Variants in GINM1 observed in about 807,000 individuals in gnomAD.
GINM1 encodes the protein glycoprotein integral membrane protein 1.
GINM1 carries 29 observed loss-of-function variants against 37.8 expected under a neutral mutation model. That is an observed-to-expected ratio of 0.77 (90% confidence interval 0.57 to 1.05). The LOEUF (loss-of-function observed/expected upper bound fraction) is 1.05. Among genes scored for constraint, GINM1 ranks in the 50% least tolerant of loss-of-function variants. The pLI, the probability that GINM1 is intolerant of heterozygous loss-of-function variation, is 0.00. For missense variants in GINM1, 377 were observed against 397.9 expected (o/e 0.95, Z 0.45); for synonymous variants, 143 against 146.2 (o/e 0.98, Z 0.16).
At chr6:149,574,742 C>T (rs377558689) in intron 3 of GINM1, among the ~76,000 whole-genome samples, 1 of 152,100 alleles carries the variant, frequency 6.6e-6, no homozygotes, top group Non-Finnish European at 1.5e-5. Flanking sequence ...GTGGTGCAGG[C>T]TTGTTTTCCC....
At position 149,571,238 on chromosome 6, in the gene GINM1, C is replaced by T. The variant is rs146211959; in HGVS notation, c.121-1047C>T. ...GCTGAGGCAGGAGAATCACTTGAAC[C>T]CGGGAGGCGGAGATTGCAGTGAGCC... On this transcript the variant is annotated intron_variant, in intron 1 of 7. Transcript: ENST00000367419. Among the ~76,000 whole-genome samples the T allele has an allele frequency of 2.1e-3, 314 of 151,690 alleles. 3 individuals carry two copies. In the East Asian group the frequency reaches 0.025, roughly 12 times the overall value.
chr6:149,569,004 G>C lies in GINM1; in HGVS notation c.120+2470G>C, dbSNP rs556048420. 3.6e-3 allele frequency among the ~76,000 whole-genome samples: 537 copies of C among 150,904 alleles called. 3 individuals are homozygous for C. The highest frequency in any genetic ancestry group is 6.2e-3 in the Non-Finnish European group (421 of 67,702). On this transcript the variant is annotated intron_variant, in intron 1 of 7. Coordinates refer to ENST00000367419, the MANE Select transcript of GINM1 (RefSeq NM_138785.5). ...GTGCCACCACACCTGGCTAGTTTTT[G>C]TATTTTTATTTTTATTTTTTTATTT...
intron 3 of GINM1, among the ~76,000 whole-genome samples, chr6:149,574,600 G>A (rs1371688022): frequency 6.6e-6 from 1 of 152,026 alleles, no homozygotes; most frequent in Non-Finnish European, 1.5e-5. Context: ...CAATAGATTA[G>A]TACTTTTGGC....
In GINM1 at chr6:149,590,972, A is replaced by G; in HGVS notation, c.*134A>G. On this transcript the variant is annotated 3_prime_UTR_variant, in exon 8 of 8. Coordinates refer to ENST00000367419, the MANE Select transcript of GINM1 (RefSeq NM_138785.5). ...TGCTAAACTCTAAGACTGCCTGAAAATTGACCTTTACAGTGCCAAGTTAAA... is the reference window on the plus strand; with the variant it reads ...TGCTAAACTCTAAGACTGCCTGAAAGTTGACCTTTACAGTGCCAAGTTAAA... The G allele has an allele frequency of 1.7e-6, 1 of 585,786 alleles. No homozygotes were observed. The highest frequency in any genetic ancestry group is 3.2e-5 in the Admixed American group (1 of 31,034). The allele number at this position is 585,786 out of a possible 1,614,324, so 36.3% of individuals were successfully genotyped here. A position where few individuals can be genotyped will look rare whatever the true frequency, so the allele number is the denominator to read the frequency against.
chr6:149,591,061 A>G lies in GINM1; in HGVS notation c.*223A>G, dbSNP rs577663407. ...TGTAATCCCAGGACTTTGGGAGGCC[A>G]ATGCGGGCGGATCACGAGGTCAGAT... On this transcript the variant is annotated 3_prime_UTR_variant, in exon 8 of 8. Transcript: ENST00000367419. 8.6e-5 allele frequency: 37 copies of G among 429,884 alleles called. No individual in the cohort carries two copies. In the East Asian group the frequency reaches 9.7e-4, roughly 11 times the overall value. 26.6% of individuals were successfully genotyped at this position (429,884 alleles called of 1,614,324 possible).
chr6:149,580,587 G>C lies in GINM1; in HGVS notation c.587-6G>C, dbSNP rs1396537408. ...TTTTGGTAACGTTGCTCTTTCTCCTGGGTAGAAAGTGTTAGTTCACTGCAA... is the reference window on the plus strand; with the variant it reads ...TTTTGGTAACGTTGCTCTTTCTCCTCGGTAGAAAGTGTTAGTTCACTGCAA... On this transcript the variant is annotated splice_polypyrimidine_tract_variant and splice_region_variant and intron_variant, in intron 5 of 7. Transcript: ENST00000367419. The C allele has an allele frequency of 1.9e-5, 31 of 1,605,768 alleles. No individual in the cohort carries two copies. The highest frequency in any genetic ancestry group is 2.6e-5 in the Non-Finnish European group (31 of 1,176,394).
At chr6:149,574,198 C>G (rs886919148) in intron 3 of GINM1, among the ~76,000 whole-genome samples, 2 of 151,696 alleles carry the variant, frequency 1.3e-5, no homozygotes, top group Non-Finnish European at 2.9e-5. Flanking sequence ...TTACAGGTGC[C>G]CGCCACCATG....
Position 149,590,897 on chromosome 6 carries a change from A to G in GINM1, c.*59A>G, listed in dbSNP as rs1778145202. 10 of 766,346 alleles carry G rather than the reference A, an allele frequency of 1.3e-5. No homozygotes were observed. The highest frequency in any genetic ancestry group is 2.3e-5 in the Non-Finnish European group (10 of 442,254). 47.5% of individuals were successfully genotyped at this position (766,346 alleles called of 1,614,324 possible). ...CTGTTGCCTCCAAATTTGCCACTTG[A>G]ATATAATTTTCTTTAAATCGTTAAG... On this transcript the variant is annotated 3_prime_UTR_variant, in exon 8 of 8. Coordinates refer to ENST00000367419, the MANE Select transcript of GINM1 (RefSeq NM_138785.5).
chr6:149,582,098 A>G lies in GINM1; in HGVS notation c.718-342A>G, dbSNP rs551177051. On this transcript the variant is annotated intron_variant, in intron 6 of 7. Transcript: ENST00000367419. ...TTGACTCTGCTCCATTTCGTTTATA[A>G]TGGACTAGCCTAACGAATCTCTTGT... 108 of 479,006 alleles carry G rather than the reference A, an allele frequency of 2.3e-4. 1 individual carries two copies. Among genetic ancestry groups the G allele is most frequent in the South Asian group, 1.6e-3 (101 of 64,644 alleles). The allele number at this position is 479,006 out of a possible 1,614,324, so 29.7% of individuals were successfully genotyped here.
At chr6:149,582,407 A>C (rs1236888745) in intron 6 of GINM1, 33 bp from the exon 7 acceptor site, 1 of 1,566,512 alleles carries the variant, frequency 6.4e-7, no homozygotes, top group Non-Finnish European at 8.7e-7. Flanking sequence ...AGATTGATGC[A>C]ACTTGCATAT....
At chr6:149,586,837 A>G (rs1035929348) in intron 7 of GINM1, among the ~76,000 whole-genome samples, 4 of 150,998 alleles carry the variant, frequency 2.6e-5, no homozygotes, top group Admixed American at 6.6e-5. Flanking sequence ...TGCAGCCTCA[A>G]TCTCCCAAGA....
intron 1 of GINM1, among the ~76,000 whole-genome samples, chr6:149,569,236 A>C (rs1379857010): frequency 2.0e-5 from 3 of 150,786 alleles, no homozygotes; most frequent in African/African-American, 4.9e-5. Context: ...GGGTTTCACC[A>C]TGTTGGCTAG....
At chr6:149,587,204 C>T (rs1037995750) in intron 7 of GINM1, among the ~76,000 whole-genome samples, 1 of 152,170 alleles carries the variant, frequency 6.6e-6, no homozygotes, top group Admixed American at 6.5e-5. Context: ...GTTTTTCCTA[C>T]TCTGACACTC....
At chr6:149,580,746 T>C (rs1250571527) in intron 6 of GINM1, 23 bp downstream of exon 6, 2 of 1,597,076 alleles carry the variant, frequency 1.3e-6, no homozygotes, top group East Asian at 2.3e-5. Flanking sequence ...TTTGGTGTTA[T>C]CATAAGCATT....
At chr6:149,570,857 T>C (rs1182596462) in intron 1 of GINM1, among the ~76,000 whole-genome samples, 1 of 152,228 alleles carries the variant, frequency 6.6e-6, no homozygotes, top group Non-Finnish European at 1.5e-5. Flanking sequence ...TGATAGATTG[T>C]AGTTCCTGTG....
intron 7 of GINM1, among the ~76,000 whole-genome samples, chr6:149,583,194 G>A (rs981121773): frequency 6.6e-6 from 1 of 152,160 alleles, no homozygotes; most frequent in Non-Finnish European, 1.5e-5. Context: ...CCTGGACCTG[G>A]TGGCTCATGC....
At chr6:149,573,822 C>G (rs1250530708) in intron 3 of GINM1, among the ~76,000 whole-genome samples, 1 of 147,262 alleles carries the variant, frequency 6.8e-6, no homozygotes, top group Non-Finnish European at 1.5e-5. Context: ...AAGACCCTGG[C>G]TCAAAAAAAA....
At chr6:149,588,728 A>G (rs550901876) in intron 7 of GINM1, among the ~76,000 whole-genome samples, 1 of 151,982 alleles carries the variant, frequency 6.6e-6, no homozygotes, top group African/African-American at 2.4e-5. Context: ...CCTGGGTTCA[A>G]GCGATCCTCC....
At chr6:149,584,028 T>C (rs1582737753) in intron 7 of GINM1, among the ~76,000 whole-genome samples, 1 of 152,276 alleles carries the variant, frequency 6.6e-6, no homozygotes, top group Middle Eastern at 3.4e-3. Flanking sequence ...CAGGCTGGAG[T>C]GCAGTGGCAT....
Sources: allele counts gnomAD v4.1 joint callset (sites outside exome capture counted in the v4.1 genomes callset), GRCh38; gene constraint gnomAD v4.1.1; transcripts MANE v1.5; gene names NCBI Gene and HGNC (gene_info 2026-07-23, HGNC 2026-07-21).